CACNB2: variants seen among roughly 807,000 people sequenced by gnomAD.
CACNB2 encodes voltage-dependent L-type calcium channel subunit beta-2.
CACNB2 carries 42 observed loss-of-function variants against 73.3 expected under a neutral mutation model. The ratio of observed to expected loss-of-function variants is 0.57; its 90% CI spans 0.45 to 0.74. The LOEUF (loss-of-function observed/expected upper bound fraction) is 0.74. Among genes scored for constraint, CACNB2 ranks in the 30% least tolerant of loss-of-function variants. CACNB2 has a pLI of 0.00. For synonymous variants in CACNB2, 348 were observed against 310.3 expected, an observed-to-expected ratio of 1.12 and a Z score of -1.28; for missense variants, 940 against 853.0, an observed-to-expected ratio of 1.10 and a Z score of -1.27.
chr10:18,433,636 G>T (rs1015265008), intron 3 of CACNB2, among the ~76,000 whole-genome samples: 2 of 151,784 alleles, frequency 1.3e-5, no homozygotes, highest in African/African-American at 4.8e-5. Flanking sequence ...TGAAATGATG[G>T]GTCTGTGAGT....
At chr10:18,386,466 C>T (rs926155820) in intron 2 of CACNB2, among the ~76,000 whole-genome samples, 1 of 143,622 alleles carries the variant, frequency 7.0e-6, no homozygotes, top group Non-Finnish European at 1.5e-5. Context: ...GCAGTGGCGC[C>T]ATCTCGGCTC....
chr10:18,518,832 T>C (rs1226140957), intron 8 of CACNB2, 78 bp from the exon 9 acceptor site: 3 of 1,320,050 alleles, frequency 2.3e-6, no homozygotes, highest in Admixed American at 1.7e-5. Context: ...CAAGCATTCC[T>C]AAGAGAAGTA....
At chr10:18,159,954 G>T (rs557048129) in intron 2 of CACNB2, among the ~76,000 whole-genome samples, 1 of 152,198 alleles carries the variant, frequency 6.6e-6, no homozygotes, top group South Asian at 2.1e-4. Context: ...AGTCTGTTTG[G>T]TGTCCTAAGA....
At chr10:18,355,621 G>C (rs2041874207) in intron 2 of CACNB2, among the ~76,000 whole-genome samples, 1 of 150,518 alleles carries the variant, frequency 6.6e-6, no homozygotes, top group African/African-American at 2.4e-5. Flanking sequence ...AGTTTGATCT[G>C]ATTTTTCTCT....
At chr10:18,497,051 A>G (rs2049875923) in intron 3 of CACNB2, among the ~76,000 whole-genome samples, 1 of 151,412 alleles carries the variant, frequency 6.6e-6, no homozygotes, top group South Asian at 2.1e-4. Context: ...TCTCTTCTAA[A>G]AATACAAAAA....
chr10:18,302,674 T>A (rs2131840477), intron 2 of CACNB2, among the ~76,000 whole-genome samples: 1 of 152,086 alleles, frequency 6.6e-6, no homozygotes, highest in African/African-American at 2.4e-5. Context: ...GGCATAAGAA[T>A]GGCATAATGG....
At chr10:18,487,864 A>G (rs995871465) in intron 3 of CACNB2, among the ~76,000 whole-genome samples, 2 of 151,740 alleles carry the variant, frequency 1.3e-5, no homozygotes, top group Non-Finnish European at 2.9e-5. Context: ...TGAGATAGGA[A>G]GACATACATG....
At position 18,400,911 on chromosome 10, in the gene CACNB2, G is replaced by A. The variant is rs1447207354; in HGVS notation, c.214-1013G>A. On this transcript the variant is annotated intron_variant, in intron 2 of 13. Coordinates refer to ENST00000324631, the MANE Select transcript of CACNB2 (RefSeq NM_201596.3). Reference sequence around the variant, plus strand: ...AAAGCCCCGGAGGCAGAAAGGGACGGAGAACAGGGGCTTGCCCAGAGCATG... The same window carrying A: ...AAAGCCCCGGAGGCAGAAAGGGACGAAGAACAGGGGCTTGCCCAGAGCATG... The A allele has an allele frequency of 1.2e-5, 18 of 1,561,010 alleles. No homozygotes were observed. The East Asian group carries it at 2.6e-4, about 23-fold the overall frequency.
At chr10:18,538,455 G>T (rs1475416765) in intron 13 of CACNB2, 90 bp downstream of exon 13, 2 of 1,113,242 alleles carry the variant, frequency 1.8e-6, no homozygotes, top group Non-Finnish European at 1.4e-6. Flanking sequence ...AAGCCCAGTA[G>T]CCTGCTTGGG....
chr10:18,519,748 C>T (rs1347213108), intron 9 of CACNB2: 2 of 455,946 alleles, frequency 4.4e-6, no homozygotes, highest in Non-Finnish European at 8.8e-6. Flanking sequence ...AGTGTACTGG[C>T]TTTCCTTCCA....
At chr10:18,146,580 C>G (rs145329779) in intron 1 of CACNB2, among the ~76,000 whole-genome samples, 4 of 151,880 alleles carry the variant, frequency 2.6e-5, no homozygotes, top group African/African-American at 9.7e-5. Flanking sequence ...TGGGTTCAGG[C>G]GATTCTCCTG....
intron 2 of CACNB2, among the ~76,000 whole-genome samples, chr10:18,393,140 C>T (rs534377304): frequency 3.6e-4 from 54 of 150,134 alleles, no homozygotes; most frequent in African/African-American, 1.3e-3. Flanking sequence ...ACCCGGGAAG[C>T]GGAGATTGCA....
At chr10:18,226,513 A>G (rs1381724699) in intron 2 of CACNB2, among the ~76,000 whole-genome samples, 1 of 152,160 alleles carries the variant, frequency 6.6e-6, no homozygotes, top group Non-Finnish European at 1.5e-5. Context: ...TTCATTTGGT[A>G]TGACCCCAGG....
At chr10:18,368,411 A>G (rs1438517882) in intron 2 of CACNB2, among the ~76,000 whole-genome samples, 1 of 152,218 alleles carries the variant, frequency 6.6e-6, no homozygotes, top group African/African-American at 2.4e-5. Context: ...AATAACACAG[A>G]GAAAACTTCT....
chr10:18,180,891 G>A (rs2033838131), intron 2 of CACNB2, among the ~76,000 whole-genome samples: 2 of 150,520 alleles, frequency 1.3e-5, no homozygotes, highest in Admixed American at 1.3e-4. Context: ...GCTTGAACCC[G>A]GGAGATGGAG....
chr10:18,399,180 A>G (rs1436169289), intron 2 of CACNB2, among the ~76,000 whole-genome samples: 1 of 152,048 alleles, frequency 6.6e-6, no homozygotes, highest in African/African-American at 2.4e-5. Flanking sequence ...CAGTGGGGAC[A>G]GGGGCCCCTT....
At chr10:18,292,373 G>A (rs2039100163) in intron 2 of CACNB2, among the ~76,000 whole-genome samples, 1 of 152,192 alleles carries the variant, frequency 6.6e-6, no homozygotes, top group Admixed American at 6.5e-5. Flanking sequence ...ATTGTTTCAA[G>A]GTGGCTGGGT....
chr10:18,439,274 G>T (rs934484501), intron 3 of CACNB2, among the ~76,000 whole-genome samples: 3 of 152,170 alleles, frequency 2.0e-5, no homozygotes, highest in Admixed American at 6.5e-5. Flanking sequence ...GAAGATGAGG[G>T]TTATTTTAGT....
rs376864235 is a variant in CACNB2, at chr10:18,165,474, A to G, written c.213+14499A>G. Among the ~76,000 whole-genome samples the G allele has an allele frequency of 2.6e-5, 4 of 152,360 alleles. No individual in the cohort carries two copies. The South Asian group carries it at 6.2e-4, about 24-fold the overall frequency. On this transcript the variant is annotated intron_variant, in intron 2 of 13. Coordinates refer to ENST00000324631, the MANE Select transcript of CACNB2 (RefSeq NM_201596.3). Reference sequence around the variant, plus strand: ...ATCGCCCAGGCTGAAGTGCAAAGGCACGATCTCGGCTCCCTGTGACCTCCG... The same window carrying G: ...ATCGCCCAGGCTGAAGTGCAAAGGCGCGATCTCGGCTCCCTGTGACCTCCG...
Sources: allele counts gnomAD v4.1 joint callset (sites outside exome capture counted in the v4.1 genomes callset), GRCh38; gene constraint gnomAD v4.1.1; transcripts MANE v1.5; gene names NCBI Gene and HGNC (gene_info 2026-07-23, HGNC 2026-07-21).